Variants in MARCHF1 observed in about 807,000 individuals in gnomAD.
The protein encoded by MARCHF1 is E3 ubiquitin-protein ligase MARCHF1.
A neutral mutation model predicts 54.2 loss-of-function variants in MARCHF1; 40 were observed. That is an observed-to-expected ratio of 0.74 (90% confidence interval 0.57 to 0.96). The LOEUF is 0.96. MARCHF1 is among the 40% of genes least tolerant of loss of function. The pLI is 0.00. For missense variants in MARCHF1, 586 were observed against 656.5 expected (o/e 0.89, Z 1.17); for synonymous variants, 236 against 236.3 (o/e 1.00, Z 0.01).
chr4:163,975,178 TCTCTCTCTCTCTCTCTCTCA>T (rs1053763917), intron 3 of MARCHF1, among the ~76,000 whole-genome samples: 4 of 129,304 alleles, frequency 3.1e-5, no homozygotes, highest in East Asian at 2.6e-4. Context: ...TCTCTCTCTC[TCTCTCTCTCTCTCTCTCTCA>T]CACACACACA....
intron 1 of MARCHF1, chr4:164,189,662 G>A: frequency 2.2e-6 from 2 of 926,586 alleles, no homozygotes; most frequent in Non-Finnish European, 3.6e-6. Context: ...GAAACTGTGG[G>A]AGGTGTCATG....
intron 4 of MARCHF1, among the ~76,000 whole-genome samples, chr4:163,847,502 C>A (rs368324450): frequency 1.3e-5 from 2 of 150,664 alleles, no homozygotes; most frequent in Non-Finnish European, 2.9e-5. Flanking sequence ...CCCTTCTTAC[C>A]TGCTACTACC....
intron 2 of MARCHF1, among the ~76,000 whole-genome samples, chr4:164,073,345 A>G (rs1754909509): frequency 6.6e-6 from 1 of 152,200 alleles, no homozygotes; most frequent in Non-Finnish European, 1.5e-5. Flanking sequence ...TGTCCTTTGC[A>G]GGGATATGGA....
intron 3 of MARCHF1, among the ~76,000 whole-genome samples, chr4:163,868,502 G>C (rs1750103147): frequency 6.6e-6 from 1 of 151,948 alleles, no homozygotes; most frequent in African/African-American, 2.4e-5. Flanking sequence ...AACATAATTT[G>C]AATACATCAA....
chr4:163,822,127 T>A (rs1748709804), intron 4 of MARCHF1, among the ~76,000 whole-genome samples: 1 of 151,926 alleles, frequency 6.6e-6, no homozygotes, highest in Non-Finnish European at 1.5e-5. Context: ...TAGAGACACA[T>A]AATTTGCCAT....
Position 164,340,405 on chromosome 4 carries a change from T to TTATATACATACATATATATATATA in MARCHF1, c.-323+43464_-323+43465insTATATATATATATGTATGTATATA, listed in dbSNP as rs58808830. ...ACAGCACATGCCACCAGGCCTTGAT[T>TTATATACATACATATATATATATA]TATATATAGATATATATATATATAT... On this transcript the variant is annotated intron_variant, in intron 1 of 9. Coordinates refer to ENST00000514618, the MANE Select transcript of MARCHF1 (RefSeq NM_001394959.1). Among the ~76,000 whole-genome samples the TTATATACATACATATATATATATA allele has an allele frequency of 8.5e-3, 815 of 95,504 alleles. 50 individuals are homozygous for TTATATACATACATATATATATATA. The highest frequency in any genetic ancestry group is 0.037 in the East Asian group (93 of 2,512). The allele number at this position is 95,504 out of a possible 152,430, so 62.7% of individuals were successfully genotyped here.
intron 2 of MARCHF1, among the ~76,000 whole-genome samples, chr4:164,017,369 A>G (rs1271481572): frequency 6.6e-6 from 1 of 152,076 alleles, no homozygotes; most frequent in African/African-American, 2.4e-5. Flanking sequence ...AAAAGCCTAC[A>G]CAAAACAAAA....
chr4:163,626,990 GA>G (rs1741895009), intron 5 of MARCHF1, among the ~76,000 whole-genome samples: 1 of 152,120 alleles, frequency 6.6e-6, no homozygotes, highest in Admixed American at 6.6e-5. Context: ...TGATCTGAAA[GA>G]GTCTTTTTGG....
At chr4:163,622,041 G>A (rs1043902824) in intron 5 of MARCHF1, among the ~76,000 whole-genome samples, 1 of 152,094 alleles carries the variant, frequency 6.6e-6, no homozygotes, top group Non-Finnish European at 1.5e-5. Context: ...CCAGCCTGAT[G>A]TGGGGTTAGA....
intron 2 of MARCHF1, among the ~76,000 whole-genome samples, chr4:164,050,084 G>A (rs1754327701): frequency 6.6e-6 from 1 of 151,764 alleles, no homozygotes; most frequent in African/African-American, 2.4e-5. Flanking sequence ...AGACCAGCCT[G>A]GCCAACATGG....
At chr4:164,201,443 A>G (rs1731452150) in intron 1 of MARCHF1, among the ~76,000 whole-genome samples, 1 of 152,174 alleles carries the variant, frequency 6.6e-6, no homozygotes, top group Non-Finnish European at 1.5e-5. Flanking sequence ...GATGGTCTCC[A>G]TCTCTTGACC....
At chr4:164,366,656 A>G (rs1023672955) in intron 1 of MARCHF1, among the ~76,000 whole-genome samples, 1 of 151,582 alleles carries the variant, frequency 6.6e-6, no homozygotes, top group African/African-American at 2.4e-5. Context: ...TTTTGACAAA[A>G]CTGTTGCATT....
intron 1 of MARCHF1, among the ~76,000 whole-genome samples, chr4:164,372,312 G>A (rs1731057724): frequency 6.6e-6 from 1 of 152,118 alleles, no homozygotes; most frequent in South Asian, 2.1e-4. Context: ...CTCCAGAAAT[G>A]TAATACTGCA....
intron 4 of MARCHF1, among the ~76,000 whole-genome samples, chr4:163,754,092 T>C (rs1223039172): frequency 1.3e-5 from 2 of 152,220 alleles, no homozygotes; most frequent in African/African-American, 4.8e-5. Flanking sequence ...TCAACATTGT[T>C]ATCAGGAATA....
chr4:163,945,488 G>A (rs1380853970), intron 3 of MARCHF1, among the ~76,000 whole-genome samples: 3 of 152,230 alleles, frequency 2.0e-5, no homozygotes, highest in South Asian at 2.1e-4. Flanking sequence ...TTCTAAACTA[G>A]TGTATCCAAC....
chr4:163,787,716 CACTTGCAGGTAT>C (rs1747661586), intron 4 of MARCHF1, among the ~76,000 whole-genome samples: 1 of 152,002 alleles, frequency 6.6e-6, no homozygotes, highest in South Asian at 2.1e-4. Context: ...CCAGCAATCC[CACTTGCAGGTAT>C]ACATCCAAAA....
intron 3 of MARCHF1, among the ~76,000 whole-genome samples, chr4:163,950,680 C>T (rs1041764019): frequency 1.3e-5 from 2 of 152,194 alleles, no homozygotes; most frequent in African/African-American, 4.8e-5. Context: ...GTCATGGCAG[C>T]GGCTGCTCCA....
intron 1 of MARCHF1, among the ~76,000 whole-genome samples, chr4:164,222,878 A>C (rs1172673547): frequency 1.3e-5 from 2 of 152,032 alleles, no homozygotes; most frequent in African/African-American, 4.8e-5. Flanking sequence ...ATAAAGACAT[A>C]CCCAAGACTG....
At chr4:163,637,809 T>C (rs62334321) in intron 5 of MARCHF1, among the ~76,000 whole-genome samples, 3 of 151,952 alleles carry the variant, frequency 2.0e-5, no homozygotes, top group Admixed American at 6.6e-5. Context: ...TTTATTGCAG[T>C]ACTATTCACA....
Sources: gnomAD v4.1 joint callset for allele counts (sites outside exome capture counted in the v4.1 genomes callset) on GRCh38, gnomAD v4.1.1 for gene constraint, MANE v1.5 for transcripts, NCBI Gene and HGNC (gene_info 2026-07-23, HGNC 2026-07-21) for gene names.